Variants in ACBD6 observed in about 807,000 individuals in gnomAD.
ACBD6 encodes the protein acyl-CoA binding domain containing 6, also known as acyl-CoA-binding domain-containing protein 6.
A neutral mutation model predicts 37.2 loss-of-function variants in ACBD6; 28 were observed. The ratio of observed to expected loss-of-function variants is 0.75; its 90% CI spans 0.56 to 1.03. ACBD6 has a LOEUF of 1.03. ACBD6 is among the 50% of genes least tolerant of loss of function. The pLI is 0.00. For synonymous variants in ACBD6, 113 were observed against 126.8 expected, an observed-to-expected ratio of 0.89 and a Z score of 0.73; for missense variants, 340 against 337.4, an observed-to-expected ratio of 1.01 and a Z score of -0.06.
chr1:180,412,107 G>A (rs866159466), intron 5 of ACBD6, among the ~76,000 whole-genome samples: 3 of 135,202 alleles, frequency 2.2e-5, no homozygotes, highest in African/African-American at 8.5e-5. Context: ...GATTCTGAAA[G>A]GCAAAAAAAA....
At chr1:180,304,424 T>A (rs1462650268) in intron 7 of ACBD6, among the ~76,000 whole-genome samples, 2 of 150,796 alleles carry the variant, frequency 1.3e-5, no homozygotes, top group African/African-American at 4.8e-5. Flanking sequence ...GGATACAAAA[T>A]CAATGTGCAA....
chr1:180,481,859 G>C (rs1347054285), intron 3 of ACBD6, among the ~76,000 whole-genome samples: 1 of 152,138 alleles, frequency 6.6e-6, no homozygotes, highest in Non-Finnish European at 1.5e-5. Context: ...GAACTTTGTA[G>C]GTGGTAAATA....
chr1:180,462,287 G>C (rs2102044072), intron 3 of ACBD6, among the ~76,000 whole-genome samples: 1 of 152,232 alleles, frequency 6.6e-6, no homozygotes, highest in African/African-American at 2.4e-5. Context: ...AAAAGACACA[G>C]TGTGGCAAGC....
chr1:180,445,002 T>G (rs948673294), intron 3 of ACBD6, among the ~76,000 whole-genome samples: 5 of 152,216 alleles, frequency 3.3e-5, no homozygotes, highest in African/African-American at 1.2e-4. Context: ...TGTTTTACTG[T>G]TTTGTTTAAT....
chr1:180,404,689 C>G (rs556172584), intron 5 of ACBD6, among the ~76,000 whole-genome samples: 1 of 152,262 alleles, frequency 6.6e-6, no homozygotes, highest in African/African-American at 2.4e-5. Flanking sequence ...AACTCCTGAC[C>G]TCAGGTGATC....
chr1:180,369,241 G>C (rs186340395), intron 6 of ACBD6, among the ~76,000 whole-genome samples: 5 of 152,304 alleles, frequency 3.3e-5, no homozygotes, highest in East Asian at 1.9e-4. Flanking sequence ...CCTCACAGAC[G>C]TGAGTATAGA....
Position 180,449,432 on chromosome 1 carries a change from CAG to C in ACBD6, c.385-19172_385-19171del, listed in dbSNP as rs369695133. ...GCACTTTTTTTTTTTTTTTTTGAGA[CAG>C]AGTCTCACTCTGTCACCCAGGCTGG... On this transcript the variant is annotated intron_variant, in intron 3 of 7. Coordinates refer to ENST00000367595, the MANE Select transcript of ACBD6 (RefSeq NM_032360.4). Among the ~76,000 whole-genome samples the C allele has an allele frequency of 4.1e-3, 576 of 140,630 alleles. 5 individuals carry two copies. The highest frequency in any genetic ancestry group is 0.015 in the African/African-American group (554 of 37,152). The allele number at this position is 140,630 out of a possible 152,430, so 92.3% of individuals were successfully genotyped here. A position where few individuals can be genotyped will look rare whatever the true frequency, so the allele number is the denominator to read the frequency against.
At chr1:180,296,549 C>A (rs1377040009) in intron 7 of ACBD6, among the ~76,000 whole-genome samples, 2 of 152,122 alleles carry the variant, frequency 1.3e-5, no homozygotes, top group Non-Finnish European at 2.9e-5. Context: ...CGTACCTCAG[C>A]CTCCTGAGTA....
intron 6 of ACBD6, among the ~76,000 whole-genome samples, chr1:180,343,451 C>T (rs1652055435): frequency 6.6e-6 from 1 of 152,124 alleles, no homozygotes; most frequent in Admixed American, 6.6e-5. Context: ...GGTAGAGAAT[C>T]ATGGAAGCTC....
chr1:180,453,096 C>G (rs1004757356), intron 3 of ACBD6, among the ~76,000 whole-genome samples: 1 of 152,118 alleles, frequency 6.6e-6, no homozygotes, highest in African/African-American at 2.4e-5. Context: ...TATCAAAACC[C>G]GGCAGAGACA....
intron 3 of ACBD6, among the ~76,000 whole-genome samples, chr1:180,460,360 G>A (rs759957067): frequency 4.6e-5 from 7 of 151,480 alleles, no homozygotes; most frequent in Non-Finnish European, 1.0e-4. Flanking sequence ...AGGCTTTGGA[G>A]AGCCCAACCC....
intron 6 of ACBD6, among the ~76,000 whole-genome samples, chr1:180,329,681 T>G (rs529200215): frequency 8.5e-5 from 13 of 152,190 alleles, no homozygotes; most frequent in Non-Finnish European, 1.3e-4. Context: ...TTTTTAACAT[T>G]CTATGGAAGC....
intron 6 of ACBD6, among the ~76,000 whole-genome samples, chr1:180,372,357 C>T (rs538994066): frequency 6.6e-6 from 1 of 152,238 alleles, no homozygotes; most frequent in Admixed American, 6.5e-5. Context: ...ATCATGACAT[C>T]TTGTCTCTAA....
At chr1:180,288,020 AT>A (rs1288512677), downstream of ACBD6, among the ~76,000 whole-genome samples, 1 of 152,112 alleles carries the variant, frequency 6.6e-6, no homozygotes, top group Non-Finnish European at 1.5e-5. Context: ...TAATGGTTAC[AT>A]TTGCTTCTGT....
intron 3 of ACBD6, among the ~76,000 whole-genome samples, chr1:180,452,125 C>T (rs1290429266): frequency 6.6e-6 from 1 of 152,094 alleles, no homozygotes; most frequent in Non-Finnish European, 1.5e-5. Context: ...AAATTTATAG[C>T]ACTAAATGCC....
At chr1:180,343,940 GTTGGCTTTCTTGATTT>G (rs71118449) in intron 6 of ACBD6, among the ~76,000 whole-genome samples, 132,100 of 151,782 alleles carry the variant, frequency 0.87, 58,329 homozygotes, top group East Asian at 0.98. Context: ...AGTAAATATA[GTTGGCTTTCTTGATTT>G]TTGGCATTTT....
At chr1:180,496,203 T>A (rs1245705151) in intron 1 of ACBD6, among the ~76,000 whole-genome samples, 1 of 152,192 alleles carries the variant, frequency 6.6e-6, no homozygotes, top group Non-Finnish European at 1.5e-5. Context: ...TCATTAAGAA[T>A]AAGCATAAAT....
chr1:180,278,014 GATTTCCAACTGCCTCTTT>G (rs1268012113), intron 9 of ACBD6: 4 of 152,170 alleles, frequency 2.6e-5, no homozygotes, highest in Admixed American at 6.5e-5. Flanking sequence ...TCAAACTGGT[GATTTCCAACTGCCTCTTT>G]ACAGGAGGGG....
Position 180,288,409 on chromosome 1 carries a change from T to C in ACBD6, c.803A>G (p.Lys268Arg). Residue 268 changes from lysine (K) to arginine (R), a missense_variant, in exon 8 of 8, where the codon AAA (lysine) becomes AGA (arginine). Coordinates refer to ENST00000367595, the MANE Select transcript of ACBD6 (RefSeq NM_032360.4). ...CCGCTGCAGCACCAAAGAAACTGTT[T>C]TGCAGCCTGTCACCTCCTCTGGCAG... ...GCLPEEVTGC[K>R]TVSLVLQRHT... 3 of 1,613,806 alleles carry C rather than the reference T, an allele frequency of 1.9e-6. No individual in the cohort carries two copies. The South Asian group carries it at 3.3e-5, about 18-fold the overall frequency.
Sources: gnomAD v4.1 joint callset for allele counts (sites outside exome capture counted in the v4.1 genomes callset) on GRCh38, gnomAD v4.1.1 for gene constraint, MANE v1.5 for transcripts, NCBI Gene and HGNC (gene_info 2026-07-23, HGNC 2026-07-21) for gene names.